MACROD1: variants seen among roughly 807,000 people sequenced by gnomAD.
MACROD1 encodes ADP-ribose glycohydrolase MACROD1.
MACROD1 carries 31 observed loss-of-function variants against 41.4 expected under a neutral mutation model. That is an observed-to-expected ratio of 0.75 (90% CI 0.56 to 1.01). The LOEUF (loss-of-function observed/expected upper bound fraction) is 1.01. MACROD1 is among the 50% of genes least tolerant of loss of function. MACROD1 has a pLI of 0.00. For synonymous variants in MACROD1, 252 were observed against 203.4 expected (o/e 1.24, Z -2.03); for missense variants, 473 against 460.0 (o/e 1.03, Z -0.26).
At chr11:64,156,108 CAAA>C (rs781677528) in intron 1 of MACROD1, among the ~76,000 whole-genome samples, 2 of 56,942 alleles carry the variant, frequency 3.5e-5, no homozygotes, top group Non-Finnish European at 3.5e-5. Flanking sequence ...AACTCCATCT[CAAA>C]AAAAAAAAAA....
intron 3 of MACROD1, among the ~76,000 whole-genome samples, chr11:64,123,243 T>G (rs998818923): frequency 6.6e-6 from 1 of 152,088 alleles, no homozygotes; most frequent in Non-Finnish European, 1.5e-5. Context: ...TTGGCACAGG[T>G]GACGGTGGCT....
chr11:64,063,323 T>C (rs1943938212), intron 3 of MACROD1, among the ~76,000 whole-genome samples: 1 of 152,088 alleles, frequency 6.6e-6, no homozygotes, highest in Non-Finnish European at 1.5e-5. Context: ...GTAAAACACC[T>C]AGAGGATTGC....
chr11:64,006,161 G>A (rs1565191486), intron 4 of MACROD1, among the ~76,000 whole-genome samples: 1 of 152,376 alleles, frequency 6.6e-6, no homozygotes, highest in East Asian at 1.9e-4. Flanking sequence ...CAGAGGGAAG[G>A]TTTAGCCACA....
chr11:64,020,580 C>T (rs1943140032), intron 3 of MACROD1, among the ~76,000 whole-genome samples: 2 of 152,100 alleles, frequency 1.3e-5, no homozygotes, highest in Admixed American at 1.3e-4. Context: ...AGCCCCAGAC[C>T]CTTTTCATAG....
intron 3 of MACROD1, among the ~76,000 whole-genome samples, chr11:64,031,757 C>T (rs1332803457): frequency 1.3e-5 from 2 of 152,212 alleles, no homozygotes; most frequent in African/African-American, 2.4e-5. Flanking sequence ...GGATTACAGG[C>T]GTGAGCTACT....
chr11:64,012,950 C>T (rs1943035062), intron 4 of MACROD1, among the ~76,000 whole-genome samples: 1 of 152,158 alleles, frequency 6.6e-6, no homozygotes, highest in South Asian at 2.1e-4. Context: ...ATCCTCCTAC[C>T]TCAGCCTCCC....
At chr11:64,092,468 T>A (rs1346537427) in intron 3 of MACROD1, among the ~76,000 whole-genome samples, 1 of 151,594 alleles carries the variant, frequency 6.6e-6, no homozygotes, top group African/African-American at 2.4e-5. Context: ...GCTGGAGAGG[T>A]TGAGGTTGGG....
At chr11:64,084,421 G>GC (rs35030938) in intron 3 of MACROD1, among the ~76,000 whole-genome samples, 1 of 152,230 alleles carries the variant, frequency 6.6e-6, no homozygotes, top group Non-Finnish European at 1.5e-5. Context: ...TTCCCGCGAA[G>GC]CCCCCTCCCT....
chr11:64,126,591 G>C (rs560788861), intron 3 of MACROD1, among the ~76,000 whole-genome samples: 1 of 152,194 alleles, frequency 6.6e-6, no homozygotes, highest in Admixed American at 6.5e-5. Context: ...GTGTCGTAAA[G>C]CATTCTGGAG....
chr11:64,142,408 G>A (rs1264257771), intron 3 of MACROD1, among the ~76,000 whole-genome samples: 1 of 152,142 alleles, frequency 6.6e-6, no homozygotes, highest in African/African-American at 2.4e-5. Context: ...CCAGGACAGA[G>A]AGCTACTGGG....
At chr11:64,137,020 C>T (rs1487660640) in intron 3 of MACROD1, among the ~76,000 whole-genome samples, 3 of 152,206 alleles carry the variant, frequency 2.0e-5, no homozygotes, top group South Asian at 2.1e-4. Context: ...ATTCCTAAGG[C>T]GAGACGAATC....
intron 4 of MACROD1, among the ~76,000 whole-genome samples, chr11:64,010,492 T>TGTTGGTTGGGGG: frequency 6.8e-6 from 1 of 147,596 alleles, no homozygotes. Context: ...TTGGCTGGGG[T>TGTTGGTTGGGGG]GTTGGTTGGG....
chr11:64,006,480 G>A (rs1240510932), intron 4 of MACROD1, among the ~76,000 whole-genome samples: 1 of 152,250 alleles, frequency 6.6e-6, no homozygotes, highest in Non-Finnish European at 1.5e-5. Context: ...CGACAGTTCT[G>A]TGATGAGATC....
chr11:64,136,682 A>C (rs1162984950), intron 3 of MACROD1, among the ~76,000 whole-genome samples: 1 of 152,204 alleles, frequency 6.6e-6, no homozygotes, highest in Non-Finnish European at 1.5e-5. Context: ...CCGACCTGTG[A>C]GGGACCCGGG....
chr11:64,064,930 G>A lies in MACROD1; in HGVS notation c.518-49649C>T, dbSNP rs1314390607. On this transcript the variant is annotated intron_variant, in intron 3 of 10. Coordinates refer to ENST00000255681, the MANE Select transcript of MACROD1 (RefSeq NM_014067.4). This position sits in a 1 kb window ranked among gnomAD's most constrained non-coding sequence, Gnocchi z 4.5. ...ACGTGCCAGGCAAGGCGGCAGGCAGGAGGGCCACCATGGTGACTGAGACAG... is the reference window on the plus strand; with the variant it reads ...ACGTGCCAGGCAAGGCGGCAGGCAGAAGGGCCACCATGGTGACTGAGACAG... Among the ~76,000 whole-genome samples, 1 of 151,744 alleles carries A rather than the reference G, an allele frequency of 6.6e-6. No homozygotes were observed. Among genetic ancestry groups the A allele is most frequent in the East Asian group, 1.9e-4 (1 of 5,152 alleles).
intron 3 of MACROD1, among the ~76,000 whole-genome samples, chr11:64,071,046 T>C (rs1944099877): frequency 1.3e-5 from 2 of 152,164 alleles, no homozygotes; most frequent in Admixed American, 1.3e-4. Flanking sequence ...TTTATTCTTC[T>C]CTGTGCACCT....
intron 3 of MACROD1, among the ~76,000 whole-genome samples, chr11:64,069,556 C>T (rs1285432877): frequency 6.6e-6 from 1 of 152,196 alleles, no homozygotes; most frequent in African/African-American, 2.4e-5. Context: ...GGGGCTCTCC[C>T]TGCCCGTGTG....
Position 63,999,775 on chromosome 11 carries a change from G to A in MACROD1, c.665-12C>T. ...TGTGTGGATGACGTCTACGGGGGGCGACGGGGTCAGACCGGCGGGGGTCTA... is the reference window on the plus strand; with the variant it reads ...TGTGTGGATGACGTCTACGGGGGGCAACGGGGTCAGACCGGCGGGGGTCTA... On this transcript the variant is annotated splice_polypyrimidine_tract_variant and intron_variant, in intron 5 of 10. Transcript: ENST00000255681. 1 of 1,601,736 alleles carries A rather than the reference G, an allele frequency of 6.2e-7. No individual in the cohort carries two copies. The highest frequency in any genetic ancestry group is 8.5e-7 in the Non-Finnish European group (1 of 1,177,874).
chr11:64,047,458 G>A lies in MACROD1; in HGVS notation c.518-32177C>T, dbSNP rs554189631. 3.9e-5 allele frequency among the ~76,000 whole-genome samples: 6 copies of A among 152,246 alleles called. No individual in the cohort carries two copies. In the East Asian group the frequency reaches 7.7e-4, roughly 20 times the overall value. ...CTGTTCCGTTTCACCCCCAGCAGCC[G>A]TAAAGCAGGTGGAGGAGTGACCAGC... is the stretch of plus-strand genomic sequence containing the variant. On this transcript the variant is annotated intron_variant, in intron 3 of 10. Coordinates refer to ENST00000255681, the MANE Select transcript of MACROD1 (RefSeq NM_014067.4).
Sources: allele counts gnomAD v4.1 joint callset (sites outside exome capture counted in the v4.1 genomes callset), GRCh38; gene constraint gnomAD v4.1.1; non-coding constraint Gnocchi (gnomAD v3.1); transcripts MANE v1.5; gene names NCBI Gene and HGNC (gene_info 2026-07-23, HGNC 2026-07-21).